SLC34A2: variants seen among roughly 807,000 people sequenced by gnomAD.
SLC34A2 encodes sodium-dependent phosphate transport protein 2B.
A neutral mutation model predicts 50.8 loss-of-function variants in SLC34A2; 41 were observed. The ratio of observed to expected loss-of-function variants is 0.81; its 90% confidence interval spans 0.63 to 1.05. SLC34A2 has a LOEUF of 1.05. Among genes scored for constraint, SLC34A2 ranks in the 50% least tolerant of loss-of-function variants. The pLI, the probability that SLC34A2 is intolerant of heterozygous loss-of-function variation, is 0.00. For missense variants in SLC34A2, 879 were observed against 876.7 expected (o/e 1.00, Z -0.03); for synonymous variants, 401 against 364.2 (o/e 1.10, Z -1.15).
chr4:25,674,525 G>A lies in SLC34A2; in HGVS notation c.1354G>A (p.Glu452Lys). 1 of 1,614,170 alleles carries A rather than the reference G, an allele frequency of 6.2e-7. No individual in the cohort carries two copies. Among genetic ancestry groups the A allele is most frequent in the South Asian group, 1.1e-5 (1 of 91,078 alleles). Reference sequence around the variant, plus strand: ...CCCAGGAATCGGCGTGATAACCATTGAGAGGGCTTATCCACTCACGCTGGG... The same window carrying A: ...CCCAGGAATCGGCGTGATAACCATTAAGAGGGCTTATCCACTCACGCTGGG... ...PLIGIGVITIERAYPLTLGSN... is the reference protein window; with the variant it reads ...PLIGIGVITIKRAYPLTLGSN... The change falls in exon 12 of 13, where the codon GAG becomes AAG. Residue 452 changes from glutamate (E) to lysine (K), a missense_variant. Glu to Lys is a moderately conservative substitution (Grantham distance 56, BLOSUM62 1). Transcript: ENST00000382051.
At chr4:25,666,930 T>C (rs1260752659) in intron 5 of SLC34A2, 1 of 152,186 alleles carries the variant, frequency 6.6e-6, no homozygotes. Context: ...AAATAGAGAC[T>C]TGGGTCTCAC....
Position 25,673,238 on chromosome 4 carries a change from G to A in SLC34A2, c.1200G>A (p.Lys400=). The A allele has an allele frequency of 2.5e-6, 4 of 1,613,554 alleles. No homozygotes were observed. Among genetic ancestry groups the A allele is most frequent in the Non-Finnish European group, 3.4e-6 (4 of 1,180,010 alleles). ...VLKGQVATVI[K]KTINTDFPFP... is the part of the protein sequence containing the mutation. ...AGGGGCAGGTCGCCACTGTCATCAA[G>A]AAGACCATCAACACTGGTAGGTACA... The change falls in exon 10 of 13, where the codon AAG becomes AAA. Residue 400 remains lysine (K), a synonymous_variant. Transcript: ENST00000382051.
Position 25,662,534 on chromosome 4 carries a change from CCCAA to C in SLC34A2, c.37_40del (p.Asn13ProfsTer32). 1 of 1,614,116 alleles carries C rather than the reference CCCAA, an allele frequency of 6.2e-7. No homozygotes were observed. The highest frequency in any genetic ancestry group is 2.2e-5 in the East Asian group (1 of 44,866). ...CTGGCCTGAATTGGGAGATGCCCAG[CCCAA>C]CCCCGATAAGTACCTCGAAGGGGCC... is the stretch of plus-strand genomic sequence containing the variant. On this transcript the variant is annotated frameshift_variant, in exon 2 of 13. Transcript: ENST00000382051. LOFTEE classifies it high-confidence loss of function.
rs139514836 is a variant in SLC34A2 at position 25,656,150 on chromosome 4, A to G, written c.-4+260A>G. 1.5e-3 allele frequency among the ~76,000 whole-genome samples: 226 copies of G among 152,296 alleles called. No homozygotes were observed. The highest frequency in any genetic ancestry group is 3.4e-3 in the Middle Eastern group (1 of 294). On this transcript the variant is annotated intron_variant, in intron 1 of 12. Coordinates refer to ENST00000382051, the MANE Select transcript of SLC34A2 (RefSeq NM_006424.3). ...ATCAGCCACACTTGTGGATTCTAAA[A>G]TGATCACTGTTTTGAGAGTCGTGGT... is the stretch of plus-strand genomic sequence containing the variant.
chr4:25,661,449 A>G (rs1283440848), intron 1 of SLC34A2, among the ~76,000 whole-genome samples: 5 of 152,176 alleles, frequency 3.3e-5, no homozygotes, highest in Admixed American at 3.3e-4. Context: ...ATACAGTGGC[A>G]TGATCTCAGT....
At position 25,676,521 on chromosome 4, in the gene SLC34A2, G is replaced by C. The variant is rs1360474771; in HGVS notation, c.1845G>C (p.Gln615His). Reference protein sequence around the residue: ...AVVSKFTGCFQMRCCCCCRVC... With the variant: ...AVVSKFTGCFHMRCCCCCRVC... ...TCTCCAAGTTCACCGGCTGCTTCCA[G>C]ATGCGCTGCTGCTGCTGCTGCCGCG... Residue 615 changes from glutamine (Q) to histidine (H), a missense_variant, in exon 13 of 13, where the codon CAG becomes CAC. Physicochemically the swap from Gln to His is conservative, Grantham distance 24 (BLOSUM62 0). Coordinates refer to ENST00000382051, the MANE Select transcript of SLC34A2 (RefSeq NM_006424.3). 5 of 1,614,036 alleles carry C rather than the reference G, an allele frequency of 3.1e-6. No individual in the cohort carries two copies. Among genetic ancestry groups the C allele is most frequent in the Non-Finnish European group, 3.4e-6 (4 of 1,179,956 alleles).
chr4:25,666,356 C>T, intron 5 of SLC34A2, 85 bp downstream of exon 5: 1 of 1,473,558 alleles, frequency 6.8e-7, no homozygotes. Flanking sequence ...GAGGAATTCA[C>T]TCTGAATATG....
rs772561415 is a variant in SLC34A2 at position 25,674,404 on chromosome 4, C to T, written c.1325C>T (p.Pro442Leu). 1.9e-6 allele frequency: 3 copies of T among 1,614,064 alleles called. No homozygotes were observed. The highest frequency in any genetic ancestry group is 2.5e-6 in the Non-Finnish European group (3 of 1,180,018). Residue 442 changes from proline (P) to leucine (L), a missense_variant, in exon 11 of 13, where the codon CCC becomes CTC. Coordinates refer to ENST00000382051, the MANE Select transcript of SLC34A2 (RefSeq NM_006424.3). ...SSSVFTSALT[P>L]LIGIGVITIE... is the part of the protein sequence containing the mutation. ...TCTGTGTTCACGTCGGCCTTGACCC[C>T]CCTGATTGGTGAGTTACACCCTGGC...
chr4:25,665,059 C>CA lies in SLC34A2; in HGVS notation c.379+731dup, dbSNP rs1414097496. On this transcript the variant is annotated intron_variant, in intron 4 of 12. Coordinates refer to ENST00000382051, the MANE Select transcript of SLC34A2 (RefSeq NM_006424.3). Reference sequence around the variant, plus strand: ...TGACACAAAGGACCATGGATTTCTGCAACCCTTGGTGCCTTTCTTGGGAAC... The same window carrying CA: ...TGACACAAAGGACCATGGATTTCTGCAAACCCTTGGTGCCTTTCTTGGGAAC... 4.0e-5 allele frequency: 9 copies of CA among 224,764 alleles called. No individual in the cohort carries two copies. In the East Asian group the frequency reaches 5.7e-4, roughly 14 times the overall value. The allele number at this position is 224,764 out of a possible 1,614,324, so 13.9% of individuals were successfully genotyped here.
intron 4 of SLC34A2, among the ~76,000 whole-genome samples, chr4:25,665,858 A>T (rs1464315297): frequency 6.6e-6 from 1 of 152,168 alleles, no homozygotes. Flanking sequence ...GAACAAAAGT[A>T]ACCAGGGGCT....
chr4:25,658,101 C>T lies in SLC34A2; in HGVS notation c.-4+2211C>T, dbSNP rs145748203. On this transcript the variant is annotated intron_variant, in intron 1 of 12. Transcript: ENST00000382051. ...ATGTGATTTGAAGCCATTAACCTCT[C>T]TGTGGCTCAGTTTTTCCCTCTATAG... 1.4e-3 allele frequency among the ~76,000 whole-genome samples: 219 copies of T among 152,282 alleles called. 1 individual carries two copies. The highest frequency in any genetic ancestry group is 4.6e-4 in the Non-Finnish European group (31 of 68,026).
In SLC34A2 at chr4:25,674,424, C is replaced by G. The variant is rs1300657473; in HGVS notation, c.1333+12C>G. ...GACCCCCCTGATTGGTGAGTTACAC[C>G]CTGGCTTCTCCCTCTGGCCACCACT... On this transcript the variant is annotated intron_variant, in intron 11 of 12. Coordinates refer to ENST00000382051, the MANE Select transcript of SLC34A2 (RefSeq NM_006424.3). 2 of 1,614,114 alleles carry G rather than the reference C, an allele frequency of 1.2e-6. No individual in the cohort carries two copies. The highest frequency in any genetic ancestry group is 1.7e-6 in the Non-Finnish European group (2 of 1,179,948).
At chr4:25,659,228 T>G (rs747674531) in intron 1 of SLC34A2, among the ~76,000 whole-genome samples, 7 of 152,110 alleles carry the variant, frequency 4.6e-5, no homozygotes, top group Non-Finnish European at 7.4e-5. Flanking sequence ...GCTTCTTTGT[T>G]TCTCTGTGCC....
At chr4:25,669,443 AG>A (rs1268371705) in intron 6 of SLC34A2, among the ~76,000 whole-genome samples, 2 of 152,204 alleles carry the variant, frequency 1.3e-5, no homozygotes, top group African/African-American at 4.8e-5. Context: ...GCTGGCCCGC[AG>A]CTTCTTCATC....
chr4:25,667,254 A>G (rs1272213690), intron 5 of SLC34A2, among the ~76,000 whole-genome samples: 2 of 152,212 alleles, frequency 1.3e-5, no homozygotes, highest in African/African-American at 2.4e-5. Flanking sequence ...GCTCACGCCT[A>G]TAATCCCAGC....
Position 25,676,791 on chromosome 4 carries a change from G to C in SLC34A2, c.*42G>C. 6.2e-7 allele frequency: 1 copy of C among 1,612,802 alleles called. No homozygotes were observed. The highest frequency in any genetic ancestry group is 8.5e-7 in the Non-Finnish European group (1 of 1,179,488). The stretch of plus-strand genomic sequence containing the variant: ...TCAGGGATGGGGGGATGGTCCTTGA[G>C]TTTTGCATGCTCTCCTCCCTCCCAC... On this transcript the variant is annotated 3_prime_UTR_variant, in exon 13 of 13. Transcript: ENST00000382051.
chr4:25,670,614 G>C, intron 7 of SLC34A2, 124 bp from the exon 8 acceptor site: 1 of 725,356 alleles, frequency 1.4e-6, no homozygotes, highest in Non-Finnish European at 2.5e-6. Flanking sequence ...GTCCCACTTT[G>C]CCTCTCTGGG....
At chr4:25,658,175 C>T (rs1409425508) in intron 1 of SLC34A2, among the ~76,000 whole-genome samples, 1 of 152,178 alleles carries the variant, frequency 6.6e-6, no homozygotes, top group South Asian at 2.1e-4. Flanking sequence ...TACATAGATA[C>T]ATGAAATGCT....
At chr4:25,669,889 C>T (rs1714724011) in intron 7 of SLC34A2, 47 bp downstream of exon 7, 22 of 1,478,768 alleles carry the variant, frequency 1.5e-5, no homozygotes, top group Non-Finnish European at 2.1e-5. Context: ...TTCCTACCCA[C>T]AACATCCCCT....
Sources: allele counts gnomAD v4.1 joint callset (sites outside exome capture counted in the v4.1 genomes callset), GRCh38; gene constraint gnomAD v4.1.1; transcripts MANE v1.5; gene names NCBI Gene and HGNC (gene_info 2026-07-23, HGNC 2026-07-21).